Variants in TRMT11 observed in about 807,000 individuals in gnomAD.
TRMT11 encodes tRNA methyltransferase 11.
TRMT11 carries 53 observed loss-of-function variants against 62.8 expected under a neutral mutation model. That is an observed-to-expected ratio of 0.84 (90% CI 0.68 to 1.06). The LOEUF is 1.06. Ranked by LOEUF, TRMT11 falls within the 50% of genes least tolerant of loss-of-function variation. TRMT11 has a pLI of 0.00. For synonymous variants in TRMT11, 188 were observed against 190.3 expected, an observed-to-expected ratio of 0.99 and a Z score of 0.10; for missense variants, 556 against 553.4, an observed-to-expected ratio of 1.00 and a Z score of -0.05.
chr6:126,012,165 T>C (rs1794311797), intron 9 of TRMT11, among the ~76,000 whole-genome samples: 1 of 152,324 alleles, frequency 6.6e-6, no homozygotes, highest in African/African-American at 2.4e-5. Flanking sequence ...CCTTATGGTT[T>C]CAGTGTGAAT....
intron 1 of TRMT11, among the ~76,000 whole-genome samples, chr6:126,195,344 A>G (rs1391787703): frequency 6.6e-6 from 1 of 152,228 alleles, no homozygotes; most frequent in Admixed American, 6.5e-5. Context: ...TGCTTGTCTT[A>G]TGTTCACACA....
At chr6:126,063,007 A>T (rs1776582032) in intron 17 of TRMT11, among the ~76,000 whole-genome samples, 1 of 152,234 alleles carries the variant, frequency 6.6e-6, no homozygotes, top group South Asian at 2.1e-4. Flanking sequence ...ATCATAAATT[A>T]ATATTTATTG....
At chr6:126,158,273 G>C (rs888632484) in intron 21 of TRMT11, among the ~76,000 whole-genome samples, 1 of 151,842 alleles carries the variant, frequency 6.6e-6, no homozygotes, top group Non-Finnish European at 1.5e-5. Flanking sequence ...TTTTTCTGTC[G>C]AACACCTGGA....
At chr6:126,025,836 G>A (rs1583773986) in intron 12 of TRMT11, among the ~76,000 whole-genome samples, 2 of 152,164 alleles carry the variant, frequency 1.3e-5, no homozygotes, top group African/African-American at 2.4e-5. Flanking sequence ...TTTAACTTCA[G>A]TATAACTTTT....
chr6:126,068,069 C>G (rs1776741527), intron 17 of TRMT11, among the ~76,000 whole-genome samples: 1 of 152,110 alleles, frequency 6.6e-6, no homozygotes, highest in South Asian at 2.1e-4. Flanking sequence ...TGATGAGAAC[C>G]TCTTCCCATG....
At chr6:126,106,993 A>G (rs1777472196) in intron 17 of TRMT11, among the ~76,000 whole-genome samples, 1 of 151,328 alleles carries the variant, frequency 6.6e-6, no homozygotes, top group South Asian at 2.1e-4. Flanking sequence ...ATTGTCCTAT[A>G]TACAATTTAT....
chr6:126,184,160 A>G (rs1778500373), intron 1 of TRMT11, among the ~76,000 whole-genome samples: 1 of 152,252 alleles, frequency 6.6e-6, no homozygotes, highest in African/African-American at 2.4e-5. Flanking sequence ...TGATTACCTT[A>G]TGAAGCACAG....
the TRMT11 span, among the ~76,000 whole-genome samples, chr6:126,258,693 C>A: frequency 6.6e-6 from 1 of 151,944 alleles, no homozygotes; most frequent in South Asian, 2.1e-4. Context: ...CCTTATGTGT[C>A]TTTGTATTTC....
At chr6:126,068,365 G>A (rs1036824330) in intron 17 of TRMT11, among the ~76,000 whole-genome samples, 1 of 152,024 alleles carries the variant, frequency 6.6e-6, no homozygotes, top group African/African-American at 2.4e-5. Flanking sequence ...GACTCAGGTC[G>A]TGAAGTTACA....
At chr6:126,017,714 T>C (rs961075590) in intron 11 of TRMT11, among the ~76,000 whole-genome samples, 2 of 152,262 alleles carry the variant, frequency 1.3e-5, no homozygotes, top group African/African-American at 4.8e-5. Flanking sequence ...GTCCATCCTC[T>C]GTGCTCTCAT....
At chr6:126,258,256 G>A in the TRMT11 span, 1,107 of 567,210 alleles carry the variant, frequency 2.0e-3, 10 homozygotes, top group South Asian at 0.012. Context: ...CTCCTCCTGC[G>A]GCCCTGGGGG....
At chr6:126,099,911 A>G (rs994862437) in intron 17 of TRMT11, among the ~76,000 whole-genome samples, 4 of 152,224 alleles carry the variant, frequency 2.6e-5, no homozygotes, top group African/African-American at 9.6e-5. Context: ...GGGCACCTGC[A>G]CCAGACTGGG....
intron 17 of TRMT11, among the ~76,000 whole-genome samples, chr6:126,093,587 A>ATGTATGTATG (rs1481755472): frequency 2.0e-4 from 3 of 15,248 alleles, no homozygotes; most frequent in African/African-American, 9.2e-4. Context: ...ATATGTATGT[A>ATGTATGTATG]TATATATATA....
the TRMT11 span, among the ~76,000 whole-genome samples, chr6:126,240,147 G>A: frequency 1.4e-4 from 22 of 152,076 alleles, no homozygotes; most frequent in Admixed American, 1.4e-3. Context: ...CTTTGCCGTG[G>A]GTTCAAACTT....
chr6:126,061,540 A>ATTT (rs5879799), intron 17 of TRMT11, among the ~76,000 whole-genome samples: 2 of 135,422 alleles, frequency 1.5e-5, no homozygotes, highest in Admixed American at 7.3e-5. Context: ...GGATCAGTCA[A>ATTT]TTTTTTTTTT....
chr6:126,049,646 C>A (rs1456196772), intron 16 of TRMT11, among the ~76,000 whole-genome samples: 1 of 142,198 alleles, frequency 7.0e-6, no homozygotes, highest in Non-Finnish European at 1.6e-5. Context: ...GGTGATGAGA[C>A]CTACACATAA....
the TRMT11 span, among the ~76,000 whole-genome samples, chr6:126,220,070 CT>C: frequency 6.6e-6 from 1 of 152,146 alleles, no homozygotes; most frequent in African/African-American, 2.4e-5. Flanking sequence ...GATGTTTCAT[CT>C]TGACACATGC....
At chr6:126,254,236 A>G in the TRMT11 span, among the ~76,000 whole-genome samples, 1 of 152,196 alleles carries the variant, frequency 6.6e-6, no homozygotes, top group African/African-American at 2.4e-5. Context: ...TGGTTAAGGA[A>G]ATAGCCTTCA....
chr6:125,996,092 C>CA, intron 3 of TRMT11, 52 bp downstream of exon 3: 1 of 1,258,570 alleles, frequency 7.9e-7, no homozygotes, highest in Non-Finnish European at 1.2e-6. Flanking sequence ...TTCTCATAAC[C>CA]ACTCAATCCT....
Sources: allele counts gnomAD v4.1 joint callset (sites outside exome capture counted in the v4.1 genomes callset), GRCh38; gene constraint gnomAD v4.1.1; transcripts MANE v1.5; gene names NCBI Gene and HGNC (gene_info 2026-07-23, HGNC 2026-07-21).